RPL32: variants seen among roughly 807,000 people sequenced by gnomAD.
RPL32 encodes large ribosomal subunit protein eL32.
For synonymous variants in RPL32, 61 were observed against 62.6 expected, an observed-to-expected ratio of 0.98 and a Z score of 0.12; for missense variants, 117 against 173.7, an observed-to-expected ratio of 0.67 and a Z score of 1.83.
intron 1 of RPL32, chr3:12,840,593 A>G (rs1559565153): frequency 2.9e-5 from 13 of 454,694 alleles, no homozygotes; most frequent in Non-Finnish European, 1.8e-5. Context: ...TTCCGGTAGT[A>G]CTGGCCTTGA....
At position 12,840,229 on chromosome 3, in the gene RPL32, G is replaced by A. The variant is rs143448660; in HGVS notation, c.9C>T (p.Ala3=). The A allele has an allele frequency of 6.7e-4, 1,082 of 1,613,842 alleles. 7 individuals carry two copies. The highest frequency in any genetic ancestry group is 7.6e-5 in the Non-Finnish European group (90 of 1,179,780). Residue 3 remains alanine, a synonymous_variant, in exon 2 of 4, where the codon GCC becomes GCT. Transcript: ENST00000429711. The part of the protein sequence containing the change: MA[A]LRPLVKPKIV... ...TCTTGGGCTTCACAAGGGGTCTGAG[G>A]GCGGCCATGATGCCTTTTGGGGAAG...
chr3:12,840,663 G>A, intron 1 of RPL32: 1 of 384,432 alleles, frequency 2.6e-6, no homozygotes, highest in Non-Finnish European at 5.2e-6. Flanking sequence ...ACTGCGCGCT[G>A]AATGCCTGCA....
intron 3 of RPL32, among the ~76,000 whole-genome samples, chr3:12,838,834 A>G (rs28720811): frequency 0.021 from 3,241 of 152,218 alleles, 105 homozygotes; most frequent in African/African-American, 0.073. Flanking sequence ...TGTATGCCTT[A>G]TGTGTATTTG....
intron 3 of RPL32, among the ~76,000 whole-genome samples, chr3:12,837,486 C>T (rs956551255): frequency 2.6e-5 from 4 of 152,248 alleles, no homozygotes; most frequent in African/African-American, 9.6e-5. Flanking sequence ...TGCACTGCAA[C>T]TGAGTAATCA....
chr3:12,836,167 A>C lies in RPL32; in HGVS notation c.335T>G (p.Val112Gly). 1.2e-6 allele frequency: 2 copies of C among 1,604,876 alleles called. No homozygotes were observed. The highest frequency in any genetic ancestry group is 1.7e-6 in the Non-Finnish European group (2 of 1,179,848). ...NVSSKNRKAI[V>G]ERAAQLAIRV... The stretch of plus-strand genomic sequence containing the variant: ...GATGGCCAGTTGGGCAGCTCTTTCC[A>C]CGATGGCTTTGCGGTTCTTGGAGGA... The change falls in exon 4 of 4, where the codon GTG (valine) becomes GGG (glycine). Residue 112 changes from valine (V) to glycine (G), a missense_variant. Physicochemically the swap from Val to Gly is moderately radical, Grantham distance 109. Transcript: ENST00000429711.
At position 12,835,964 on chromosome 3, in the gene RPL32, G is replaced by T; in HGVS notation, c.*130C>A. The T allele has an allele frequency of 1.8e-6, 2 of 1,122,684 alleles. No individual in the cohort carries two copies. Among genetic ancestry groups the T allele is most frequent in the Non-Finnish European group, 2.6e-6 (2 of 781,558 alleles). 69.5% of individuals were successfully genotyped at this position (1,122,684 alleles called of 1,614,324 possible). ...CCTCCAAATGGGAGATTCCAAAGGG[G>T]CTTAAGCAAAAGAACAATCTCTGTG... On this transcript the variant is annotated 3_prime_UTR_variant, in exon 4 of 4. Coordinates refer to ENST00000429711, the MANE Select transcript of RPL32 (RefSeq NM_000994.4).
At chr3:12,838,540 C>A (rs1359813907) in intron 3 of RPL32, among the ~76,000 whole-genome samples, 1 of 152,156 alleles carries the variant, frequency 6.6e-6, no homozygotes, top group Non-Finnish European at 1.5e-5. Context: ...TGCAAACTTT[C>A]CAGAGCCCTC....
chr3:12,836,218 T>A lies in RPL32; in HGVS notation c.284A>T (p.Tyr95Phe), dbSNP rs1249037472. ...AACATTGTGAGCGATCTCGGCACAG[T>A]AAGATCTGCAAGAGAATCAAGTAGG... is the stretch of plus-strand genomic sequence containing the variant. ...LEVLLMCNKS[Y>F]CAEIAHNVSS... The change falls in exon 4 of 4, where the codon TAC becomes TTC. Residue 95 changes from tyrosine (Y) to phenylalanine (F), a missense_variant. Transcript: ENST00000429711. 2 of 1,599,604 alleles carry A rather than the reference T, an allele frequency of 1.3e-6. No individual in the cohort carries two copies. The highest frequency in any genetic ancestry group is 1.7e-6 in the Non-Finnish European group (2 of 1,179,756).
At chr3:12,841,195 C>T (rs1451002184) in intron 1 of RPL32, 2 of 152,322 alleles carry the variant, frequency 1.3e-5, no homozygotes, top group African/African-American at 4.8e-5. Context: ...CAAGCTGGGC[C>T]ACCCCTGGTC....
rs1294240095 is a variant in RPL32 at position 12,840,214 on chromosome 3, C to T, written c.24G>A (p.Val8=). The T allele has an allele frequency of 2.5e-6, 4 of 1,613,870 alleles. No individual in the cohort carries two copies. In the Admixed American group the frequency reaches 5.0e-5, roughly 20 times the overall value. The part of the protein sequence containing the change: MAALRPL[V]KPKIVKKRTK... The stretch of plus-strand genomic sequence containing the variant: ...TTCTCTTTTTGACGATCTTGGGCTT[C>T]ACAAGGGGTCTGAGGGCGGCCATGA... Residue 8 remains valine, a synonymous_variant, in exon 2 of 4, where the codon GTG becomes GTA. Coordinates refer to ENST00000429711, the MANE Select transcript of RPL32 (RefSeq NM_000994.4).
chr3:12,840,516 A>G (rs2062143435), intron 1 of RPL32: 1 of 579,620 alleles, frequency 1.7e-6, no homozygotes, highest in East Asian at 4.1e-5. Flanking sequence ...AACTGACCCC[A>G]AGACACTCTC....
At chr3:12,839,646 T>C in intron 2 of RPL32, 116 bp from the exon 3 acceptor site, 1 of 1,016,786 alleles carries the variant, frequency 9.8e-7, no homozygotes, top group Admixed American at 1.8e-5. Flanking sequence ...TAGTTGCCTT[T>C]GGTAACAGGA....
At chr3:12,837,211 T>A (rs908696904) in intron 3 of RPL32, among the ~76,000 whole-genome samples, 2 of 152,236 alleles carry the variant, frequency 1.3e-5, no homozygotes, top group Non-Finnish European at 1.5e-5. Context: ...CCCCCTGGCT[T>A]GGGCATTTTC....
intron 3 of RPL32, among the ~76,000 whole-genome samples, chr3:12,837,553 G>A (rs1249722088): frequency 6.6e-6 from 1 of 152,126 alleles, no homozygotes; most frequent in Non-Finnish European, 1.5e-5. Flanking sequence ...GCCAACTGTG[G>A]TTTCAGTATC....
In RPL32 at chr3:12,839,419, G is replaced by T. The variant is rs1382841715; in HGVS notation, c.208C>A (p.Leu70Met). The part of the protein sequence containing the change: ...YGSNKKTKHM[L>M]PSGFRKFLVH... ...AGGAACTTCCGGAAGCCACTGGGCA[G>T]CATGTGCTTTGTTTTTTTGTTGCTT... The change falls in exon 3 of 4, where the codon CTG (leucine) becomes ATG (methionine). Residue 70 changes from leucine (L) to methionine (M), a missense_variant. Physicochemically the swap from Leu to Met is conservative, Grantham distance 15. Transcript: ENST00000429711. The T allele has an allele frequency of 6.2e-7, 1 of 1,614,050 alleles. No individual in the cohort carries two copies. Among genetic ancestry groups the T allele is most frequent in the Non-Finnish European group, 8.5e-7 (1 of 1,180,024 alleles).
At chr3:12,841,063 G>A (rs759737366) in intron 1 of RPL32, 4 of 153,280 alleles carry the variant, frequency 2.6e-5, no homozygotes, top group Non-Finnish European at 4.4e-5. Flanking sequence ...TTCCTTGGCG[G>A]TCCCGCAGCA....
At chr3:12,838,726 T>C (rs1168063292) in intron 3 of RPL32, among the ~76,000 whole-genome samples, 2 of 152,180 alleles carry the variant, frequency 1.3e-5, no homozygotes, top group Non-Finnish European at 2.9e-5. Flanking sequence ...AACCTCTTAC[T>C]GTAGCCAAGA....
At chr3:12,839,795 A>G (rs1217127634) in intron 2 of RPL32, among the ~76,000 whole-genome samples, 7 of 152,108 alleles carry the variant, frequency 4.6e-5, no homozygotes, top group Middle Eastern at 3.4e-3. Flanking sequence ...CTGTGTAGAT[A>G]CTGAGATGGC....
intron 3 of RPL32, among the ~76,000 whole-genome samples, chr3:12,838,021 C>T (rs1239284013): frequency 6.6e-6 from 1 of 152,190 alleles, no homozygotes; most frequent in African/African-American, 2.4e-5. Context: ...CAGCTTGAGC[C>T]CACCTTGAGT....
Sources: gnomAD v4.1 joint callset for allele counts (sites outside exome capture counted in the v4.1 genomes callset) on GRCh38, gnomAD v4.1.1 for gene constraint, MANE v1.5 for transcripts, NCBI Gene and HGNC (gene_info 2026-07-23, HGNC 2026-07-21) for gene names.